Variants in PTPN23 observed in about 807,000 individuals in gnomAD.
PTPN23 encodes protein tyrosine phosphatase non-receptor type 23.
Under a neutral mutation model 156.3 loss-of-function variants are expected in PTPN23, and 72 were observed. That is an observed-to-expected ratio of 0.46 (90% CI 0.38 to 0.56). The LOEUF (loss-of-function observed/expected upper bound fraction) is 0.56. Among genes scored for constraint, PTPN23 ranks in the 20% least tolerant of loss-of-function variants. PTPN23 has a pLI of 0.00. For missense variants in PTPN23, 1,974 were observed against 2,171.5 expected (o/e 0.91, Z 1.81); for synonymous variants, 957 against 899.6 (o/e 1.06, Z -1.14).
intron 2 of PTPN23, among the ~76,000 whole-genome samples, chr3:47,401,338 C>T (rs1046095691): frequency 2.0e-5 from 3 of 152,118 alleles, no homozygotes; most frequent in Non-Finnish European, 4.4e-5. Flanking sequence ...TCCTGAGTAG[C>T]TGGGACTACA....
intron 2 of PTPN23, among the ~76,000 whole-genome samples, chr3:47,398,452 C>G (rs1047673550): frequency 1.3e-5 from 2 of 152,166 alleles, no homozygotes; most frequent in African/African-American, 2.4e-5. Flanking sequence ...GATGTCATAT[C>G]TCTGGATATC....
intron 2 of PTPN23, among the ~76,000 whole-genome samples, chr3:47,402,953 G>T (rs1010589278): frequency 3.9e-5 from 6 of 151,922 alleles, no homozygotes; most frequent in Non-Finnish European, 8.8e-5. Context: ...TGATCCATCC[G>T]CCTTGGCCTC....
Position 47,405,786 on chromosome 3 carries a change from G to A in PTPN23, c.402G>A (p.Arg134=). 3 of 1,592,690 alleles carry A rather than the reference G, an allele frequency of 1.9e-6. No homozygotes were observed. The highest frequency in any genetic ancestry group is 2.6e-6 in the Non-Finnish European group (3 of 1,170,098). ...CCATGCTGGGGGCCATGGACAAGCG[G>A]GTGTCTGAGGAGGTGAGGAGAGGGG... ...LHSMLGAMDK[R]VSEEGMKVSC... is the part of the protein sequence containing the mutation. Residue 134 remains arginine (R), a synonymous_variant, in exon 5 of 25, where the codon CGG becomes CGA. Coordinates refer to ENST00000265562, the MANE Select transcript of PTPN23 (RefSeq NM_015466.4). The surrounding 1 kb of genome is among the most constrained non-coding windows in gnomAD (Gnocchi z 4.7).
At chr3:47,382,720 ACT>A (rs1359831002) in intron 1 of PTPN23, among the ~76,000 whole-genome samples, 2 of 73,646 alleles carry the variant, frequency 2.7e-5, no homozygotes. Context: ...ACGGAGTCTC[ACT>A]CTGTCACCCA....
In PTPN23 at chr3:47,410,120, C is replaced by T. The variant is rs757515665; in HGVS notation, c.2322C>T (p.Ser774=). ...CCACCCCGCTCCACTTTCCTCCCAG[C>T]CCCTTCCCCAGCTCCACAGGCCCAG... ...GSATPLHFPP[S]PFPSSTGPGP... The change falls in exon 20 of 25, where the codon AGC becomes AGT. Residue 774 remains serine (S), a synonymous_variant. Coordinates refer to ENST00000265562, the MANE Select transcript of PTPN23 (RefSeq NM_015466.4). 2 of 1,598,948 alleles carry T rather than the reference C, an allele frequency of 1.3e-6. No individual in the cohort carries two copies. Among genetic ancestry groups the T allele is most frequent in the Non-Finnish European group, 1.7e-6 (2 of 1,172,300 alleles).
chr3:47,395,065 C>T (rs1188841756), intron 1 of PTPN23, among the ~76,000 whole-genome samples: 1 of 152,214 alleles, frequency 6.6e-6, no homozygotes, highest in Non-Finnish European at 1.5e-5. Flanking sequence ...CCATCTGTTC[C>T]TCTTCTCCCT....
chr3:47,381,429 C>G (rs370863483), intron 1 of PTPN23, among the ~76,000 whole-genome samples: 1 of 152,190 alleles, frequency 6.6e-6, no homozygotes, highest in Non-Finnish European at 1.5e-5. Context: ...ACTTCTGCCC[C>G]GAGTCATCCG....
At chr3:47,388,956 C>T (rs938025982) in intron 1 of PTPN23, among the ~76,000 whole-genome samples, 13 of 152,052 alleles carry the variant, frequency 8.5e-5, no homozygotes, top group African/African-American at 2.4e-4. Context: ...TGAGCCACCA[C>T]GCCCAGCCTC....
At chr3:47,403,334 G>C (rs946373129) in intron 2 of PTPN23, among the ~76,000 whole-genome samples, 3 of 152,128 alleles carry the variant, frequency 2.0e-5, no homozygotes, top group Non-Finnish European at 4.4e-5. Flanking sequence ...TTACAGGCGT[G>C]AGCCACTGCA....
intron 1 of PTPN23, among the ~76,000 whole-genome samples, chr3:47,390,633 C>T (rs1338353263): frequency 6.6e-6 from 1 of 152,158 alleles, no homozygotes; most frequent in African/African-American, 2.4e-5. Flanking sequence ...GTCCCTTACT[C>T]CAGGAACTTC....
chr3:47,381,264 A>T, intron 1 of PTPN23, 84 bp downstream of exon 1: 1 of 1,519,986 alleles, frequency 6.6e-7, no homozygotes, highest in East Asian at 2.5e-5. Context: ...CGCGCCCATC[A>T]CCTCCTCAGG....
Position 47,396,222 on chromosome 3 carries a change from G to A in PTPN23, c.159+5G>A, listed in dbSNP as rs760896637. The A allele has an allele frequency of 3.6e-5, 58 of 1,607,684 alleles. No homozygotes were observed. Among genetic ancestry groups the A allele is most frequent in the South Asian group, 1.2e-4 (11 of 90,892 alleles). ...AAGCTGGAGTTGCTCAGACAGGTAG[G>A]AGGATAGTATTATCTTTTTATGCAT... On this transcript the variant is annotated splice_donor_5th_base_variant and intron_variant, in intron 2 of 24. Transcript: ENST00000265562.
chr3:47,397,516 C>G (rs1384660560), intron 2 of PTPN23, among the ~76,000 whole-genome samples: 1 of 152,148 alleles, frequency 6.6e-6, no homozygotes, highest in Non-Finnish European at 1.5e-5. Context: ...TAGATACATG[C>G]CATAGAAATC....
At chr3:47,394,703 G>A (rs2107701542) in intron 1 of PTPN23, among the ~76,000 whole-genome samples, 1 of 152,162 alleles carries the variant, frequency 6.6e-6, no homozygotes, top group African/African-American at 2.4e-5. Context: ...GAGGCTTTGG[G>A]AAGCTACTGC....
In PTPN23 at chr3:47,408,862, T is replaced by C. The variant is rs1705193168; in HGVS notation, c.1417T>C (p.Phe473Leu). ...LEEDELLEQK[F>L]QEAVGQAGAI... ...GGAGGATGAGCTGCTAGAGCAGAAG[T>C]TTCAGGAGGCGGTGGGCCAGGCAGG... Residue 473 changes from phenylalanine to leucine, a missense_variant, in exon 16 of 25, where the codon TTT becomes CTT. Phe to Leu is a conservative substitution (Grantham distance 22). Coordinates refer to ENST00000265562, the MANE Select transcript of PTPN23 (RefSeq NM_015466.4). The C allele has an allele frequency of 5.6e-6, 9 of 1,614,006 alleles. No homozygotes were observed. The South Asian group carries it at 8.8e-5, about 16-fold the overall frequency.
rs956788881 is a variant in PTPN23, at chr3:47,411,803, C to T, written c.3909C>T (p.Phe1303=). The T allele has an allele frequency of 6.2e-7, 1 of 1,605,272 alleles. No individual in the cohort carries two copies. The highest frequency in any genetic ancestry group is 1.7e-4 in the Middle Eastern group (1 of 6,022). ...EMEKQKVARY[F]PTERGQPMVH... The stretch of plus-strand genomic sequence containing the variant: ...CTCAGCAAAAAGTGGCACGCTACTT[C>T]CCCACCGAGAGGGGCCAGCCCATGG... Residue 1303 remains phenylalanine, a synonymous_variant, in exon 21 of 25, where the codon TTC becomes TTT. Transcript: ENST00000265562. The surrounding 1 kb of genome is among the most constrained non-coding windows in gnomAD (Gnocchi z 6.3).
rs145767987 is a variant in PTPN23 at position 47,412,914 on chromosome 3, C to A, written c.4640C>A (p.Pro1547His). 2.4e-5 allele frequency: 38 copies of A among 1,603,170 alleles called. 1 individual carries two copies. The South Asian group carries it at 3.9e-4, about 16-fold the overall frequency. Residue 1547 changes from proline (P) to histidine (H), a missense_variant, in exon 25 of 25, where the codon CCC (proline) becomes CAC (histidine). By Grantham distance (77) the Pro-to-His change is moderately conservative. Around this residue, in one of 4 missense-constraint regions of PTPN23, gnomAD observed 484 missense variants for 516.0 expected, o/e 0.94. Coordinates refer to ENST00000265562, the MANE Select transcript of PTPN23 (RefSeq NM_015466.4). ...CCAATCCCATCTTCCTCCCCGCCCCCCCTTTCCTCCCCACTACCTGAGGCT... is the reference window on the plus strand; with the variant it reads ...CCAATCCCATCTTCCTCCCCGCCCCACCTTTCCTCCCCACTACCTGAGGCT... Reference protein sequence around the residue: ...STPIPSSSPPPLSSPLPEAPQ... With the variant: ...STPIPSSSPPHLSSPLPEAPQ...
rs961890126 is a variant in PTPN23, at chr3:47,412,319, C to T, written c.4215C>T (p.Leu1405=). The stretch of plus-strand genomic sequence containing the variant: ...GCCGCACGGGAGCCTTTGCACTGCT[C>T]TATGCAGCTGTGCAGGAGGTGGAGG... The part of the protein sequence containing the change: ...GVGRTGAFAL[L]YAAVQEVEAG... The change falls in exon 23 of 25, where the codon CTC becomes CTT. Residue 1405 remains leucine, a synonymous_variant. Coordinates refer to ENST00000265562, the MANE Select transcript of PTPN23 (RefSeq NM_015466.4). 1.2e-6 allele frequency: 2 copies of T among 1,613,436 alleles called. No homozygotes were observed. The highest frequency in any genetic ancestry group is 8.5e-7 in the Non-Finnish European group (1 of 1,180,024).
At position 47,408,726 on chromosome 3, in the gene PTPN23, G is replaced by A. The variant is rs577492735; in HGVS notation, c.1331-50G>A. 38 of 1,546,630 alleles carry A rather than the reference G, an allele frequency of 2.5e-5. No homozygotes were observed. In the South Asian group the frequency reaches 3.9e-4, roughly 16 times the overall value. Reference sequence around the variant, plus strand: ...TGTCTCTTGGGGGAGGGGCCCATGGGTGCCCGGTCAGCCTGCCTCAGGGGC... The same window carrying A: ...TGTCTCTTGGGGGAGGGGCCCATGGATGCCCGGTCAGCCTGCCTCAGGGGC... On this transcript the variant is annotated intron_variant, in intron 15 of 24. Coordinates refer to ENST00000265562, the MANE Select transcript of PTPN23 (RefSeq NM_015466.4).
Sources: allele counts gnomAD v4.1 joint callset (sites outside exome capture counted in the v4.1 genomes callset), GRCh38; gene constraint gnomAD v4.1.1; regional missense constraint gnomAD v4.1.1; non-coding constraint Gnocchi (gnomAD v3.1); transcripts MANE v1.5; gene names NCBI Gene and HGNC (gene_info 2026-07-23, HGNC 2026-07-21).